SLC17A8: variants seen among roughly 807,000 people sequenced by gnomAD.
SLC17A8 encodes the protein vesicular glutamate transporter 3.
In SLC17A8, 31 loss-of-function variants were observed where a neutral mutation model predicts 58.0. The observed-to-expected ratio is 0.53, with a 90% CI of 0.40 to 0.72. SLC17A8 has a LOEUF of 0.72. Ranked by LOEUF, SLC17A8 falls within the 30% of genes least tolerant of loss-of-function variation. The pLI, the probability that SLC17A8 is intolerant of heterozygous loss-of-function variation, is 0.00. For missense variants in SLC17A8, 655 were observed against 727.8 expected (o/e 0.90, Z 1.15); for synonymous variants, 228 against 249.0 (o/e 0.92, Z 0.79).
rs1555328010 is a variant in SLC17A8, at chr12:100,421,667, T to TTTG, written c.*1510_*1511insGTT. Reference sequence around the variant, plus strand: ...CTTATTATTGTAAAGTGTTTTTTTTTTTTTTTTTTTTTTCTAATTTCTCCC... The same window carrying TTTG: ...CTTATTATTGTAAAGTGTTTTTTTTTTTGTTTTTTTTTTTTTCTAATTTCTCCC... On this transcript the variant is annotated 3_prime_UTR_variant, in exon 12 of 12. Transcript: ENST00000323346. The TTTG allele has an allele frequency of 1.2e-5, 1 of 83,088 alleles. No individual in the cohort carries two copies. Among genetic ancestry groups the TTTG allele is most frequent in the African/African-American group, 2.8e-5 (1 of 35,286 alleles). The allele number at this position is 83,088 out of a possible 1,614,324, so 5.1% of individuals were successfully genotyped here. A position where few individuals can be genotyped will look rare whatever the true frequency, so the allele number is the denominator to read the frequency against.
At chr12:100,374,904 G>C (rs924977485) in intron 1 of SLC17A8, among the ~76,000 whole-genome samples, 7 of 151,902 alleles carry the variant, frequency 4.6e-5, no homozygotes, top group African/African-American at 7.3e-5. Context: ...CTGCTGTGAG[G>C]GGCTGGCTTC....
chr12:100,410,170 G>A (rs1370969782), intron 9 of SLC17A8, among the ~76,000 whole-genome samples: 1 of 152,038 alleles, frequency 6.6e-6, no homozygotes, highest in Non-Finnish European at 1.5e-5. Flanking sequence ...GACCAGCCTG[G>A]CCAACATGGG....
In SLC17A8 at chr12:100,412,815, A is replaced by G. The variant is rs1435083788; in HGVS notation, c.1232A>G (p.His411Arg). ...TTACTCCTGGTGGTTGGCTTTTCGCATACCAAAGGGGTGGCTATCTCCTTT... is the reference window on the plus strand; with the variant it reads ...TTACTCCTGGTGGTTGGCTTTTCGCGTACCAAAGGGGTGGCTATCTCCTTT... The part of the protein sequence containing the change: ...ATLLLVVGFS[H>R]TKGVAISFLV... Residue 411 changes from histidine (H) to arginine (R), a missense_variant, in exon 10 of 12, where the codon CAT becomes CGT. Coordinates refer to ENST00000323346, the MANE Select transcript of SLC17A8 (RefSeq NM_139319.3). 1 of 1,613,992 alleles carries G rather than the reference A, an allele frequency of 6.2e-7. No individual in the cohort carries two copies. The highest frequency in any genetic ancestry group is 8.5e-7 in the Non-Finnish European group (1 of 1,180,028).
In SLC17A8 at chr12:100,401,783, A is replaced by G. The variant is rs754785533; in HGVS notation, c.683A>G (p.Tyr228Cys). 5.6e-6 allele frequency: 9 copies of G among 1,613,384 alleles called. No individual in the cohort carries two copies. The highest frequency in any genetic ancestry group is 1.1e-5 in the South Asian group (1 of 91,072). ...CAATCTTTTCTTGTTCCAGGTTCCT[A>G]TGCAGGGGCAGTGGTTGCCATGCCC... Reference protein sequence around the residue: ...RLATTSFCGSYAGAVVAMPLA... With the variant: ...RLATTSFCGSCAGAVVAMPLA... The change falls in exon 6 of 12, where the codon TAT becomes TGT. Residue 228 changes from tyrosine to cysteine, a missense_variant. Transcript: ENST00000323346.
intron 1 of SLC17A8, among the ~76,000 whole-genome samples, chr12:100,363,917 C>T (rs1952501277): frequency 1.3e-5 from 2 of 151,794 alleles, no homozygotes; most frequent in African/African-American, 2.4e-5. Flanking sequence ...GTGGTGGGCA[C>T]CTGTAATCCC....
chr12:100,385,071 A>T (rs1952663331), intron 2 of SLC17A8, among the ~76,000 whole-genome samples: 1 of 151,306 alleles, frequency 6.6e-6, no homozygotes, highest in Non-Finnish European at 1.5e-5. Flanking sequence ...ACTATTGTCT[A>T]ACTAGAATCT....
At chr12:100,419,597 T>C (rs1232917011) in intron 11 of SLC17A8, among the ~76,000 whole-genome samples, 5 of 152,132 alleles carry the variant, frequency 3.3e-5, no homozygotes, top group East Asian at 1.9e-4. Flanking sequence ...CTAACTTTCA[T>C]ATTCATTGTT....
At chr12:100,365,210 A>G (rs1204443437) in intron 1 of SLC17A8, among the ~76,000 whole-genome samples, 1 of 152,132 alleles carries the variant, frequency 6.6e-6, no homozygotes, top group Non-Finnish European at 1.5e-5. Context: ...TTGATATTCC[A>G]TGGTCAGATG....
chr12:100,364,118 G>A (rs1394800177), intron 1 of SLC17A8, among the ~76,000 whole-genome samples: 3 of 150,210 alleles, frequency 2.0e-5, no homozygotes, highest in East Asian at 4.0e-4. Context: ...TGTGGTATAT[G>A]GTGGGGCTTG....
intron 7 of SLC17A8, 21 bp from the exon 8 acceptor site, chr12:100,402,572 TATC>T: frequency 6.2e-7 from 1 of 1,613,458 alleles, no homozygotes; most frequent in Non-Finnish European, 8.5e-7. Flanking sequence ...TTACTAAAAA[TATC>T]ATGGTATTTT....
Position 100,389,570 on chromosome 12 carries a change from T to C in SLC17A8, c.355-1431T>C, listed in dbSNP as rs375327756. On this transcript the variant is annotated intron_variant, in intron 2 of 11. Transcript: ENST00000323346. ...ATTTTGTGTTTTTTCTCTCTGTGTATATACATATATACACACACATTATAT... is the reference window on the plus strand; with the variant it reads ...ATTTTGTGTTTTTTCTCTCTGTGTACATACATATATACACACACATTATAT... Among the ~76,000 whole-genome samples, 9 of 151,630 alleles carry C rather than the reference T, an allele frequency of 5.9e-5. 1 individual carries two copies. The East Asian group carries it at 9.6e-4, about 16-fold the overall frequency.
Position 100,391,129 on chromosome 12 carries a change from A to G in SLC17A8, c.473+10A>G, listed in dbSNP as rs750206799. 1 of 1,538,288 alleles carries G rather than the reference A, an allele frequency of 6.5e-7. No individual in the cohort carries two copies. Among genetic ancestry groups the G allele is most frequent in the Non-Finnish European group, 9.0e-7 (1 of 1,111,120 alleles). Reference sequence around the variant, plus strand: ...AGTTTGCTGCTAACAGGTAAGATAAATTGATATAACATGATACAAACCAAT... The same window carrying G: ...AGTTTGCTGCTAACAGGTAAGATAAGTTGATATAACATGATACAAACCAAT... On this transcript the variant is annotated intron_variant, in intron 3 of 11. Transcript: ENST00000323346.
At position 100,362,660 on chromosome 12, in the gene SLC17A8, C is replaced by T. The variant is rs189960612; in HGVS notation, c.101+5168C>T. ...GTCTATGACAGCCCACCCACTGCAC[C>T]GCTCAGATCAACTTGCTTCTCACAT... On this transcript the variant is annotated intron_variant, in intron 1 of 11. Transcript: ENST00000323346. 5.9e-5 allele frequency among the ~76,000 whole-genome samples: 9 copies of T among 152,294 alleles called. No homozygotes were observed. In the East Asian group the frequency reaches 1.5e-3, roughly 26 times the overall value.
intron 5 of SLC17A8, 152 bp from the exon 6 acceptor site, chr12:100,401,625 G>A (rs2136004979): frequency 1.4e-6 from 1 of 707,704 alleles, no homozygotes; most frequent in Non-Finnish European, 2.6e-6. Context: ...GCCCTGTTCT[G>A]TGGCACACTG....
chr12:100,369,260 A>G (rs888476060), intron 1 of SLC17A8, among the ~76,000 whole-genome samples: 1 of 152,206 alleles, frequency 6.6e-6, no homozygotes, highest in Admixed American at 6.5e-5. Flanking sequence ...TGGGCAACAG[A>G]GCAAGACTCC....
intron 2 of SLC17A8, among the ~76,000 whole-genome samples, chr12:100,385,119 T>G (rs965321279): frequency 1.3e-5 from 2 of 150,732 alleles, no homozygotes; most frequent in Non-Finnish European, 3.0e-5. Context: ...TCTCTCTCTG[T>G]GTGTGTGTGT....
chr12:100,401,884 A>T, intron 6 of SLC17A8, 21 bp downstream of exon 6: 1 of 1,571,884 alleles, frequency 6.4e-7, no homozygotes, highest in Non-Finnish European at 8.8e-7. Context: ...TGACTTCACA[A>T]GTTCACATGT....
intron 9 of SLC17A8, 97 bp downstream of exon 9, chr12:100,404,267 A>G (rs916490421): frequency 6.6e-7 from 1 of 1,518,162 alleles, no homozygotes; most frequent in Non-Finnish European, 9.1e-7. Flanking sequence ...TAGTCATTGG[A>G]GTGGATCTTA....
At chr12:100,377,124 T>C (rs571473115) in intron 1 of SLC17A8, among the ~76,000 whole-genome samples, 1 of 152,238 alleles carries the variant, frequency 6.6e-6, no homozygotes, top group East Asian at 1.9e-4. Context: ...GCATCAGTTT[T>C]CCATCCTACT....
Sources: gnomAD v4.1 joint callset for allele counts (sites outside exome capture counted in the v4.1 genomes callset) on GRCh38, gnomAD v4.1.1 for gene constraint, MANE v1.5 for transcripts, NCBI Gene and HGNC (gene_info 2026-07-23, HGNC 2026-07-21) for gene names.